Variants in KCNH5 observed in about 807,000 individuals in gnomAD.
KCNH5 encodes voltage-gated delayed rectifier potassium channel KCNH5.
In KCNH5, 46 loss-of-function variants were observed where a neutral mutation model predicts 96.1. That is an observed-to-expected ratio of 0.48 (90% confidence interval 0.38 to 0.61). The LOEUF (loss-of-function observed/expected upper bound fraction) is 0.61. Among genes scored for constraint, KCNH5 ranks in the 20% least tolerant of loss-of-function variants. The pLI, the probability that KCNH5 is intolerant of heterozygous loss-of-function variation, is 0.00. For synonymous variants in KCNH5, 439 were observed against 449.8 expected, an observed-to-expected ratio of 0.98 and a Z score of 0.30; for missense variants, 907 against 1,225.8, an observed-to-expected ratio of 0.74 and a Z score of 3.88.
At chr14:62,868,960 A>C (rs910399099) in intron 7 of KCNH5, among the ~76,000 whole-genome samples, 3 of 152,104 alleles carry the variant, frequency 2.0e-5, no homozygotes, top group Non-Finnish European at 4.4e-5. Flanking sequence ...GGTTGGTTCG[A>C]AGTCTTTGTT....
chr14:62,753,746 G>A (rs1885555804), intron 10 of KCNH5, among the ~76,000 whole-genome samples: 1 of 152,080 alleles, frequency 6.6e-6, no homozygotes, highest in African/African-American at 2.4e-5. Flanking sequence ...ATCTGGCAAA[G>A]ATATCCTTCA....
At chr14:62,736,818 A>G (rs1487860656) in intron 10 of KCNH5, among the ~76,000 whole-genome samples, 2 of 152,154 alleles carry the variant, frequency 1.3e-5, no homozygotes, top group African/African-American at 4.8e-5. Context: ...GCCACAGTTC[A>G]TGTTTCTTTT....
intron 4 of KCNH5, among the ~76,000 whole-genome samples, chr14:63,001,115 A>G (rs191630041): frequency 1.3e-5 from 2 of 152,312 alleles, no homozygotes; most frequent in African/African-American, 4.8e-5. Context: ...TTTCTTACTC[A>G]TGCTATAAGT....
intron 8 of KCNH5, among the ~76,000 whole-genome samples, chr14:62,836,327 T>C (rs941764163): frequency 6.6e-6 from 1 of 152,166 alleles, no homozygotes; most frequent in African/African-American, 2.4e-5. Flanking sequence ...CTGATATTCA[T>C]CCCAAGTCAG....
chr14:62,731,168 G>T (rs1885041338), intron 10 of KCNH5, among the ~76,000 whole-genome samples: 1 of 151,918 alleles, frequency 6.6e-6, no homozygotes, highest in Admixed American at 6.6e-5. Context: ...GGGCATGGTG[G>T]TGGGTGCCTA....
rs975561904 is a variant in KCNH5 at position 62,904,543 on chromosome 14, G to A, written c.1369+45590C>T. 9.2e-5 allele frequency among the ~76,000 whole-genome samples: 14 copies of A among 152,274 alleles called. No homozygotes were observed. In the East Asian group the frequency reaches 2.7e-3, roughly 29 times the overall value. On this transcript the variant is annotated intron_variant, in intron 7 of 10. Transcript: ENST00000322893. ...TGTAAACCACACCCTTCCTGATGATGTGGAGATGTCTTGGGTCACCCACCA... is the reference window on the plus strand; with the variant it reads ...TGTAAACCACACCCTTCCTGATGATATGGAGATGTCTTGGGTCACCCACCA...
At chr14:62,887,823 G>C (rs1326383241) in intron 7 of KCNH5, among the ~76,000 whole-genome samples, 1 of 152,048 alleles carries the variant, frequency 6.6e-6, no homozygotes, top group African/African-American at 2.4e-5. Context: ...AGGTGTTCTA[G>C]TGTTAGCATT....
At chr14:62,959,343 A>G (rs1045995137) in intron 6 of KCNH5, among the ~76,000 whole-genome samples, 2 of 152,232 alleles carry the variant, frequency 1.3e-5, no homozygotes, top group Non-Finnish European at 2.9e-5. Context: ...GTATGTCTCT[A>G]AAAGACAACA....
chr14:62,731,357 A>T (rs1293551563), intron 10 of KCNH5, among the ~76,000 whole-genome samples: 2 of 151,756 alleles, frequency 1.3e-5, no homozygotes, highest in East Asian at 1.9e-4. Flanking sequence ...ATTAAAAATT[A>T]AAAAAATACT....
intron 10 of KCNH5, among the ~76,000 whole-genome samples, chr14:62,708,706 C>A (rs1397335084): frequency 6.6e-6 from 1 of 152,102 alleles, no homozygotes; most frequent in Non-Finnish European, 1.5e-5. Flanking sequence ...CCCTACATAT[C>A]AGAGGGAGAA....
chr14:62,932,748 A>C (rs1453025240), intron 7 of KCNH5, among the ~76,000 whole-genome samples: 1 of 152,158 alleles, frequency 6.6e-6, no homozygotes, highest in Non-Finnish European at 1.5e-5. Context: ...AACAGAAAGA[A>C]AAACATAACA....
Position 62,704,918 on chromosome 14 carries a change from A to G in KCNH5, c.*2590T>C, listed in dbSNP as rs1884401967. The G allele has an allele frequency of 1.3e-5, 2 of 151,920 alleles. No individual in the cohort carries two copies. Among genetic ancestry groups the G allele is most frequent in the South Asian group, 4.1e-4 (2 of 4,826 alleles). The allele number at this position is 151,920 out of a possible 1,614,324, so 9.4% of individuals were successfully genotyped here. On this transcript the variant is annotated 3_prime_UTR_variant, in exon 11 of 11. Transcript: ENST00000322893. ...TAAGATTTGTGGAATCTGGGAACCT[A>G]AAAGACTACTCTATATACAATGTTT...
intron 9 of KCNH5, among the ~76,000 whole-genome samples, chr14:62,785,681 A>C (rs1886307087): frequency 6.6e-6 from 1 of 152,206 alleles, no homozygotes; most frequent in South Asian, 2.1e-4. Flanking sequence ...GGATTGTAAA[A>C]CAGAAATAAT....
At chr14:62,835,543 T>C (rs1392413787) in intron 8 of KCNH5, among the ~76,000 whole-genome samples, 1 of 151,964 alleles carries the variant, frequency 6.6e-6, no homozygotes, top group Non-Finnish European at 1.5e-5. Context: ...TAAGAAAAAA[T>C]ATGTAATATC....
intron 8 of KCNH5, among the ~76,000 whole-genome samples, chr14:62,806,017 C>A (rs1470026011): frequency 3.9e-5 from 6 of 152,088 alleles, no homozygotes; most frequent in African/African-American, 1.4e-4. Context: ...CAAGATACAC[C>A]TCGTAAAGAC....
chr14:62,842,228 AT>A (rs1176632504), intron 8 of KCNH5, among the ~76,000 whole-genome samples: 1 of 152,196 alleles, frequency 6.6e-6, no homozygotes, highest in Non-Finnish European at 1.5e-5. Flanking sequence ...AGTGTTCGAA[AT>A]TACTATTATA....
chr14:63,014,288 G>A (rs556596524), intron 2 of KCNH5, among the ~76,000 whole-genome samples: 2 of 152,252 alleles, frequency 1.3e-5, no homozygotes, highest in South Asian at 2.1e-4. Flanking sequence ...TCCAGAGCAT[G>A]TGAGACCTAG....
At chr14:62,784,005 T>C (rs1422470970) in intron 9 of KCNH5, among the ~76,000 whole-genome samples, 1 of 151,330 alleles carries the variant, frequency 6.6e-6, no homozygotes, top group Admixed American at 6.6e-5. Context: ...TGTTATTATA[T>C]ATAATTTATT....
chr14:62,747,935 G>C (rs905097693), intron 10 of KCNH5, among the ~76,000 whole-genome samples: 1 of 152,218 alleles, frequency 6.6e-6, no homozygotes, highest in Non-Finnish European at 1.5e-5. Context: ...TCTTAGGCAA[G>C]TGTAGAAGTG....
Sources: allele counts gnomAD v4.1 joint callset (sites outside exome capture counted in the v4.1 genomes callset), GRCh38; gene constraint gnomAD v4.1.1; transcripts MANE v1.5; gene names NCBI Gene and HGNC (gene_info 2026-07-23, HGNC 2026-07-21).